TRIM51G: variants seen among roughly 807,000 people sequenced by gnomAD.
TRIM51G encodes the protein tripartite motif-containing 51G, also known as tripartite motif-containing protein 51G.
the TRIM51G span, among the ~76,000 whole-genome samples, chr11:48,982,011 G>T: frequency 6.6e-6 from 1 of 152,114 alleles, no homozygotes; most frequent in African/African-American, 2.4e-5. Context: ...AAGTGGTCTA[G>T]CATAAAACAT....
At chr11:48,979,521 CATT>C in the TRIM51G span, among the ~76,000 whole-genome samples, 1 of 152,102 alleles carries the variant, frequency 6.6e-6, no homozygotes, top group Non-Finnish European at 1.5e-5. Context: ...CAACTCAATG[CATT>C]TCACCCAGCA....
the TRIM51G span, chr11:48,975,842 C>A: frequency 8.0e-7 from 1 of 1,254,816 alleles, no homozygotes; most frequent in South Asian, 1.2e-5. Flanking sequence ...TAAAATTTGC[C>A]AGATATGAAA....
At chr11:48,978,794 A>C in the TRIM51G span, 1 of 692,664 alleles carries the variant, frequency 1.4e-6, no homozygotes, top group Middle Eastern at 4.1e-4. Context: ...GTAAAGGGGG[A>C]GACGGATTTC....
the TRIM51G span, among the ~76,000 whole-genome samples, chr11:48,979,882 C>T: frequency 6.6e-6 from 1 of 151,208 alleles, no homozygotes. Flanking sequence ...GGAAGGCAAA[C>T]AGGAGGATAT....
chr11:48,976,113 G>C, the TRIM51G span: 1 of 360,342 alleles, frequency 2.8e-6, no homozygotes, highest in Non-Finnish European at 5.4e-6. Flanking sequence ...AAGTTACAAG[G>C]ACAGGAGAAT....
chr11:48,979,976 AC>A, the TRIM51G span, among the ~76,000 whole-genome samples: 1 of 151,550 alleles, frequency 6.6e-6, no homozygotes, highest in Admixed American at 6.6e-5. Flanking sequence ...TAAAACTCAA[AC>A]CCTCATCCCC....
the TRIM51G span, chr11:48,975,827 C>A: frequency 7.9e-6 from 11 of 1,387,754 alleles, no homozygotes; most frequent in Non-Finnish European, 1.1e-5. Context: ...ATGTTAAACT[C>A]CCAATAAAAT....
chr11:48,976,805 T>G, the TRIM51G span, among the ~76,000 whole-genome samples: 1 of 152,150 alleles, frequency 6.6e-6, no homozygotes, highest in African/African-American at 2.4e-5. Flanking sequence ...TCTGAGCATT[T>G]TTCCATTTAT....
At chr11:48,981,791 T>C in the TRIM51G span, 4 of 1,304,472 alleles carry the variant, frequency 3.1e-6, no homozygotes, top group Non-Finnish European at 4.4e-6. Context: ...ATTTTCCTCT[T>C]GACAGTGCTC....
the TRIM51G span, chr11:48,977,323 A>G: frequency 1.7e-5 from 9 of 526,506 alleles, no homozygotes; most frequent in Non-Finnish European, 2.5e-5. Flanking sequence ...TCTTTTTCAA[A>G]TTCATTCTTA....
At chr11:48,979,518 A>G in the TRIM51G span, among the ~76,000 whole-genome samples, 1 of 152,128 alleles carries the variant, frequency 6.6e-6, no homozygotes, top group Non-Finnish European at 1.5e-5. Context: ...TGTCAACTCA[A>G]TGCATTTCAC....
the TRIM51G span, chr11:48,978,230 T>C: frequency 1.2e-5 from 6 of 521,274 alleles, no homozygotes; most frequent in Non-Finnish European, 1.6e-5. Flanking sequence ...TTGTGTGATA[T>C]GGAGACAGTT....
At chr11:48,978,889 C>T in the TRIM51G span, 1 of 1,484,910 alleles carries the variant, frequency 6.7e-7, no homozygotes, top group Non-Finnish European at 9.4e-7. Flanking sequence ...AGCTCCACAA[C>T]TGCTTTATGG....
chr11:48,977,159 A>G, the TRIM51G span: 56 of 1,321,622 alleles, frequency 4.2e-5, no homozygotes, highest in Non-Finnish European at 4.9e-5. Context: ...AGGCTCAGAC[A>G]CTTGCAGCAG....
At chr11:48,978,240 T>G in the TRIM51G span, 2 of 509,298 alleles carry the variant, frequency 3.9e-6, no homozygotes, top group African/African-American at 3.9e-5. Flanking sequence ...TGGAGACAGT[T>G]TCTGAAGATA....
chr11:48,983,662 G>T, the TRIM51G span, among the ~76,000 whole-genome samples: 2 of 151,596 alleles, frequency 1.3e-5, no homozygotes, highest in African/African-American at 4.8e-5. Context: ...AGTTTAGACA[G>T]TTAGATATTT....
chr11:48,981,560 T>C, the TRIM51G span: 2 of 1,601,464 alleles, frequency 1.2e-6, no homozygotes, highest in Non-Finnish European at 1.7e-6. Flanking sequence ...AGAACTGCCA[T>C]GTCTTGCCAG....
chr11:48,979,739 A>G, the TRIM51G span, among the ~76,000 whole-genome samples: 2 of 151,424 alleles, frequency 1.3e-5, no homozygotes, highest in East Asian at 1.9e-4. Context: ...ATATAGGTAT[A>G]TATGGATATT....
the TRIM51G span, chr11:48,977,081 T>C: frequency 2.0e-6 from 2 of 1,004,054 alleles, no homozygotes; most frequent in South Asian, 1.3e-5. Flanking sequence ...GGGCTGACAC[T>C]CACCTCTGAA....
Sources: allele counts gnomAD v4.1 joint callset (sites outside exome capture counted in the v4.1 genomes callset), GRCh38; gene constraint gnomAD v4.1.1; transcripts MANE v1.5; gene names NCBI Gene and HGNC (gene_info 2026-07-23, HGNC 2026-07-21).